CADPS: variants seen among roughly 807,000 people sequenced by gnomAD.
CADPS encodes the protein calcium-dependent secretion activator 1.
A neutral mutation model predicts 167.3 loss-of-function variants in CADPS; 57 were observed. That is an observed-to-expected ratio of 0.34 (90% CI 0.28 to 0.42). The LOEUF is 0.42. Ranked by LOEUF, CADPS falls within the 20% of genes least tolerant of loss-of-function variation. The probability of loss-of-function intolerance (pLI) is 1.00; values close to 1 mark genes in which losing one functional copy is unlikely to be tolerated. For synonymous variants in CADPS, 676 were observed against 635.3 expected, an observed-to-expected ratio of 1.06 and a Z score of -0.96; for missense variants, 1,414 against 1,738.1, an observed-to-expected ratio of 0.81 and a Z score of 3.32.
intron 3 of CADPS, among the ~76,000 whole-genome samples, chr3:62,662,865 T>A (rs1204457264): frequency 1.3e-5 from 2 of 152,144 alleles, no homozygotes; most frequent in African/African-American, 4.8e-5. Context: ...TTGCGTTCCT[T>A]CTCTTTGAAC....
chr3:62,694,683 C>T (rs2079934536), intron 3 of CADPS, among the ~76,000 whole-genome samples: 2 of 152,080 alleles, frequency 1.3e-5, no homozygotes, highest in Admixed American at 1.3e-4. Flanking sequence ...ATGTCTGATC[C>T]AGGAACTTAT....
At chr3:62,501,664 C>A (rs1037094678) in intron 17 of CADPS, among the ~76,000 whole-genome samples, 3 of 152,096 alleles carry the variant, frequency 2.0e-5, no homozygotes, top group African/African-American at 7.2e-5. Flanking sequence ...GTGAAACACT[C>A]CCCAAATCTA....
chr3:62,434,243 C>A (rs570004407), intron 28 of CADPS, among the ~76,000 whole-genome samples: 1 of 152,220 alleles, frequency 6.6e-6, no homozygotes, highest in East Asian at 1.9e-4. Flanking sequence ...AAACAATATA[C>A]AATTACACTT....
intron 8 of CADPS, among the ~76,000 whole-genome samples, chr3:62,581,565 C>T (rs1446011530): frequency 6.6e-6 from 1 of 151,800 alleles, no homozygotes; most frequent in Admixed American, 6.6e-5. Context: ...GCTGTAGTCC[C>T]AGCTACTTGG....
chr3:62,791,230 G>A (rs1031903502), intron 1 of CADPS, among the ~76,000 whole-genome samples: 2 of 152,130 alleles, frequency 1.3e-5, no homozygotes. Flanking sequence ...TGGTAGAAGT[G>A]CTCTATATCT....
At chr3:62,445,712 G>GAAAAAAAAAAA (rs369250660) in intron 27 of CADPS, 53 bp downstream of exon 27, 12 of 876,872 alleles carry the variant, frequency 1.4e-5, no homozygotes, top group South Asian at 1.2e-4. Flanking sequence ...AAGTAAAAAT[G>GAAAAAAAAAAA]AAAAAAAAAA....
chr3:62,416,405 C>T (rs902634296), intron 28 of CADPS, among the ~76,000 whole-genome samples: 2 of 152,202 alleles, frequency 1.3e-5, no homozygotes, highest in Non-Finnish European at 2.9e-5. Context: ...CTAAACCAAT[C>T]CAGACAGTTT....
chr3:62,745,849 G>A (rs560521225), intron 3 of CADPS, among the ~76,000 whole-genome samples: 16 of 152,340 alleles, frequency 1.1e-4, no homozygotes, highest in South Asian at 6.2e-4. Flanking sequence ...AGTGTTGGCT[G>A]TATAGTGGTG....
At chr3:62,785,266 G>A (rs1163470773) in intron 1 of CADPS, among the ~76,000 whole-genome samples, 3 of 151,974 alleles carry the variant, frequency 2.0e-5, no homozygotes, top group Admixed American at 6.6e-5. Flanking sequence ...GAGTGGTGGC[G>A]GGGTCAAAGG....
intron 1 of CADPS, among the ~76,000 whole-genome samples, chr3:62,775,392 T>C (rs2090033575): frequency 6.6e-6 from 1 of 152,136 alleles, no homozygotes; most frequent in Non-Finnish European, 1.5e-5. Context: ...ACATTGGTCA[T>C]ATCAAAAATG....
intron 1 of CADPS, among the ~76,000 whole-genome samples, chr3:62,770,147 C>T (rs930227959): frequency 1.3e-5 from 2 of 152,170 alleles, no homozygotes; most frequent in African/African-American, 4.8e-5. Flanking sequence ...TTTGCTCTTG[C>T]TGTTCCCTTT....
chr3:62,853,245 C>G (rs1420554398), intron 1 of CADPS, among the ~76,000 whole-genome samples: 2 of 152,144 alleles, frequency 1.3e-5, no homozygotes, highest in African/African-American at 2.4e-5. Flanking sequence ...TCTACCAGGT[C>G]AAGTCAGAAT....
chr3:62,584,520 G>A lies in CADPS; in HGVS notation c.1577+665C>T, dbSNP rs148816041. On this transcript the variant is annotated intron_variant, in intron 8 of 29. Coordinates refer to ENST00000383710, the MANE Select transcript of CADPS (RefSeq NM_003716.4). The stretch of plus-strand genomic sequence containing the variant: ...GAGTTACACGATTATCATGTTTTCT[G>A]AGATAATGACATCCATGTGATTTAG... 8.5e-5 allele frequency among the ~76,000 whole-genome samples: 13 copies of A among 152,250 alleles called. No individual in the cohort carries two copies. In the South Asian group the frequency reaches 1.9e-3, roughly 22 times the overall value.
chr3:62,526,453 C>A (rs1032440152), intron 13 of CADPS, among the ~76,000 whole-genome samples: 1 of 152,126 alleles, frequency 6.6e-6, no homozygotes, highest in Non-Finnish European at 1.5e-5. Context: ...GAAAAATTTC[C>A]AATCCCAATA....
At chr3:62,632,331 G>A (rs373028014) in intron 6 of CADPS, among the ~76,000 whole-genome samples, 2 of 151,804 alleles carry the variant, frequency 1.3e-5, no homozygotes, top group Non-Finnish European at 2.9e-5. Context: ...ATAACTTTTT[G>A]GTCAGAAAAA....
chr3:62,399,663 G>T lies in CADPS; in HGVS notation c.3883-78C>A, dbSNP rs951357250. The T allele has an allele frequency of 3.3e-6, 4 of 1,223,526 alleles. No homozygotes were observed. The highest frequency in any genetic ancestry group is 4.7e-6 in the Non-Finnish European group (4 of 843,418). 75.8% of individuals were successfully genotyped at this position (1,223,526 alleles called of 1,614,324 possible). On this transcript the variant is annotated intron_variant, in intron 29 of 29. Coordinates refer to ENST00000383710, the MANE Select transcript of CADPS (RefSeq NM_003716.4). This position sits in a 1 kb window ranked among gnomAD's most constrained non-coding sequence, Gnocchi z 5.6. ...AGGGAGAAGGTAAAAGCAGGTGTGG[G>T]TGGGAGAGCACTGACCTTCAGCTAA...
intron 3 of CADPS, among the ~76,000 whole-genome samples, chr3:62,716,962 G>A (rs1374429783): frequency 1.3e-5 from 2 of 152,090 alleles, no homozygotes; most frequent in South Asian, 2.1e-4. Flanking sequence ...TGAAGCTCAC[G>A]ATGTAGACCA....
At chr3:62,656,250 T>C (rs1340592187) in intron 4 of CADPS, among the ~76,000 whole-genome samples, 1 of 152,158 alleles carries the variant, frequency 6.6e-6, no homozygotes, top group Non-Finnish European at 1.5e-5. Context: ...CTAATAATGA[T>C]GGTGCCTATA....
At chr3:62,798,263 C>T (rs145316924) in intron 1 of CADPS, among the ~76,000 whole-genome samples, 102 of 152,148 alleles carry the variant, frequency 6.7e-4, no homozygotes, top group Non-Finnish European at 1.2e-3. Context: ...TGGGTGGGCA[C>T]CATCTAATCA....
Sources: gnomAD v4.1 joint callset for allele counts (sites outside exome capture counted in the v4.1 genomes callset) on GRCh38, gnomAD v4.1.1 for gene constraint, Gnocchi (gnomAD v3.1) non-coding constraint, MANE v1.5 for transcripts, NCBI Gene and HGNC (gene_info 2026-07-23, HGNC 2026-07-21) for gene names.